KCNB2: variants seen among roughly 807,000 people sequenced by gnomAD.
KCNB2 encodes potassium voltage-gated channel subfamily B member 2, also known as delayed rectifier potassium channel protein.
In KCNB2, 15 loss-of-function variants were observed where a neutral mutation model predicts 61.5. That is an observed-to-expected ratio of 0.24 (90% confidence interval 0.16 to 0.38). The LOEUF is 0.38. KCNB2 is among the 10% of genes least tolerant of loss of function. The pLI is 1.00. For missense variants in KCNB2, 828 were observed against 1,125.2 expected (o/e 0.74, Z 3.78); for synonymous variants, 457 against 446.0 (o/e 1.02, Z -0.31).
At chr8:72,667,204 T>C (rs1341199777) in intron 2 of KCNB2, among the ~76,000 whole-genome samples, 1 of 152,214 alleles carries the variant, frequency 6.6e-6, no homozygotes, top group Non-Finnish European at 1.5e-5. Context: ...CAGATAATAC[T>C]GGGCCTGAAG....
In KCNB2 at chr8:72,859,137, C is replaced by T. The variant is rs537267335; in HGVS notation, c.580-76798C>T. Among the ~76,000 whole-genome samples, 19 of 152,178 alleles carry T rather than the reference C, an allele frequency of 1.2e-4. No homozygotes were observed. The South Asian group carries it at 4.0e-3, about 32-fold the overall frequency. ...AGTACCTCTCAGTGTGAATCTGGGA[C>T]ACAAATGTTTGGTCTCTCTGGGCCC... is the stretch of plus-strand genomic sequence containing the variant. On this transcript the variant is annotated intron_variant, in intron 2 of 2. Coordinates refer to ENST00000523207, the MANE Select transcript of KCNB2 (RefSeq NM_004770.3).
intron 2 of KCNB2, among the ~76,000 whole-genome samples, chr8:72,918,488 G>A (rs1806443433): frequency 6.6e-6 from 1 of 152,028 alleles, no homozygotes; most frequent in African/African-American, 2.4e-5. Flanking sequence ...AGTATTTGTT[G>A]GATTGCATTT....
intron 2 of KCNB2, among the ~76,000 whole-genome samples, chr8:72,773,058 C>A (rs1299664115): frequency 6.6e-6 from 1 of 152,182 alleles, no homozygotes; most frequent in Non-Finnish European, 1.5e-5. Context: ...TCATAATAAT[C>A]CTCCTCTTTA....
rs183122311 is a variant in KCNB2, at chr8:72,805,262, T to C, written c.580-130673T>C. Among the ~76,000 whole-genome samples, 220 of 152,306 alleles carry C rather than the reference T, an allele frequency of 1.4e-3. 1 individual carries two copies. The highest frequency in any genetic ancestry group is 5.2e-3 in the African/African-American group (215 of 41,568). The stretch of plus-strand genomic sequence containing the variant: ...AAATAAACTTCAGCAAGATCAAATA[T>C]GTCAGGAAAGAAATATCTTTCCCCA... On this transcript the variant is annotated intron_variant, in intron 2 of 2. Coordinates refer to ENST00000523207, the MANE Select transcript of KCNB2 (RefSeq NM_004770.3).
intron 1 of KCNB2, among the ~76,000 whole-genome samples, chr8:72,543,140 C>G (rs1806213269): frequency 6.6e-6 from 1 of 152,160 alleles, no homozygotes; most frequent in African/African-American, 2.4e-5. Flanking sequence ...GTCCCCTTTA[C>G]TTTCCTGAAA....
intron 2 of KCNB2, among the ~76,000 whole-genome samples, chr8:72,639,028 A>G (rs1238475323): frequency 6.6e-6 from 1 of 152,080 alleles, no homozygotes; most frequent in Non-Finnish European, 1.5e-5. Flanking sequence ...TTAAATCATC[A>G]CCTATAAAGC....
At chr8:72,907,312 A>G (rs1226439129) in intron 2 of KCNB2, among the ~76,000 whole-genome samples, 2 of 152,100 alleles carry the variant, frequency 1.3e-5, no homozygotes, top group African/African-American at 4.8e-5. Context: ...AGCCAAGATC[A>G]TGCCACTGCA....
chr8:72,541,231 T>C (rs1252952949), intron 1 of KCNB2, among the ~76,000 whole-genome samples: 1 of 151,780 alleles, frequency 6.6e-6, no homozygotes, highest in Admixed American at 6.6e-5. Context: ...TAGAGTATTA[T>C]GATTATAAGT....
At chr8:72,826,644 T>C (rs1809600732) in intron 2 of KCNB2, among the ~76,000 whole-genome samples, 1 of 152,202 alleles carries the variant, frequency 6.6e-6, no homozygotes, top group Admixed American at 6.5e-5. Flanking sequence ...GATTTATCTT[T>C]TTAAAGAAAA....
intron 2 of KCNB2, among the ~76,000 whole-genome samples, chr8:72,600,658 T>TA (rs1299920982): frequency 6.6e-6 from 1 of 151,368 alleles, no homozygotes; most frequent in African/African-American, 2.4e-5. Flanking sequence ...CATACAGCCA[T>TA]AAAAAAGGAT....
In KCNB2 at chr8:72,938,194, TC is replaced by T; in HGVS notation, c.*107del. 1.1e-6 allele frequency: 1 copy of T among 914,968 alleles called. No homozygotes were observed. The highest frequency in any genetic ancestry group is 1.7e-6 in the Non-Finnish European group (1 of 595,722). The allele number at this position is 914,968 out of a possible 1,614,324, so 56.7% of individuals were successfully genotyped here. On this transcript the variant is annotated 3_prime_UTR_variant, in exon 3 of 3. Transcript: ENST00000523207. ...TGTGAACTAAAAAAATGGGAAGCCC[TC>T]CCCAAAAAAAGTGCATAAAATGTTA... is the stretch of plus-strand genomic sequence containing the variant.
At chr8:72,869,965 A>G (rs1260290598) in intron 2 of KCNB2, among the ~76,000 whole-genome samples, 1 of 152,250 alleles carries the variant, frequency 6.6e-6, no homozygotes, top group African/African-American at 2.4e-5. Context: ...AGATGAATGT[A>G]TAAAGAAAAC....
At chr8:72,577,175 G>T (rs1257480525) in intron 2 of KCNB2, among the ~76,000 whole-genome samples, 1 of 151,976 alleles carries the variant, frequency 6.6e-6, no homozygotes, top group African/African-American at 2.4e-5. Flanking sequence ...CTAAGGACAG[G>T]TACCTGAACC....
intron 2 of KCNB2, among the ~76,000 whole-genome samples, chr8:72,683,197 G>T (rs1806791788): frequency 6.6e-6 from 1 of 152,176 alleles, no homozygotes; most frequent in Admixed American, 6.5e-5. Context: ...GACACAAGTA[G>T]CTATCACCAT....
At chr8:72,843,088 C>T (rs1809922679) in intron 2 of KCNB2, among the ~76,000 whole-genome samples, 1 of 152,070 alleles carries the variant, frequency 6.6e-6, no homozygotes, top group African/African-American at 2.4e-5. Flanking sequence ...TGTAAATTTC[C>T]CTCTAAACAC....
intron 2 of KCNB2, among the ~76,000 whole-genome samples, chr8:72,582,315 T>C (rs1039071536): frequency 6.6e-6 from 1 of 152,202 alleles, no homozygotes; most frequent in Non-Finnish European, 1.5e-5. Context: ...AACTAAAGCA[T>C]TGGAAGGCAT....
intron 2 of KCNB2, among the ~76,000 whole-genome samples, chr8:72,928,746 A>T (rs1008559695): frequency 9.2e-5 from 14 of 151,438 alleles, no homozygotes; most frequent in Admixed American, 6.0e-4. Context: ...AAGACATGAG[A>T]CAGGTCAAGT....
chr8:72,606,061 G>T (rs529200414), intron 2 of KCNB2, among the ~76,000 whole-genome samples: 47 of 152,226 alleles, frequency 3.1e-4, no homozygotes, highest in African/African-American at 1.1e-3. Context: ...ACTCAAAGCT[G>T]GTGAGTATAC....
At chr8:72,686,691 C>A (rs1806859070) in intron 2 of KCNB2, among the ~76,000 whole-genome samples, 1 of 152,126 alleles carries the variant, frequency 6.6e-6, no homozygotes, top group African/African-American at 2.4e-5. Context: ...GAAATTGTTT[C>A]TTGTCACTGG....
Sources: allele counts gnomAD v4.1 joint callset (sites outside exome capture counted in the v4.1 genomes callset), GRCh38; gene constraint gnomAD v4.1.1; transcripts MANE v1.5; gene names NCBI Gene and HGNC (gene_info 2026-07-23, HGNC 2026-07-21).